The following GTF2H2C variants were observed in gnomAD, a reference collection of about 807,000 sequenced individuals.
GTF2H2C encodes general transcription factor IIH subunit 2-like protein.
In GTF2H2C, 5 loss-of-function variants were observed where a neutral mutation model predicts 24.8. That is an observed-to-expected ratio of 0.20 (90% CI 0.11 to 0.42). The LOEUF (loss-of-function observed/expected upper bound fraction) is 0.42. Among genes scored for constraint, GTF2H2C ranks in the 20% least tolerant of loss-of-function variants. The pLI is 1.00. For missense variants in GTF2H2C, 45 were observed against 169.8 expected, an observed-to-expected ratio of 0.27 and a Z score of 4.08; for synonymous variants, 14 against 52.6, an observed-to-expected ratio of 0.27 and a Z score of 3.18.
At chr5:69,589,958 C>T (rs1309441076) in intron 15 of GTF2H2C, among the ~76,000 whole-genome samples, 1 of 107,464 alleles carries the variant, frequency 9.3e-6, no homozygotes, top group African/African-American at 3.6e-5. Context: ...CATCTCGGCT[C>T]ACTGCAACCT....
At chr5:69,568,384 C>CATATACTCTAAATTGAGAATATTCAATA (rs1770877995) in intron 8 of GTF2H2C, 177 bp downstream of exon 8, 1 of 511,182 alleles carries the variant, frequency 2.0e-6, no homozygotes, top group African/African-American at 2.2e-5. Flanking sequence ...ACAAGGTTAA[C>CATATACTCTAAATTGAGAATATTCAATA]TATTCTAAAT....
intron 1 of GTF2H2C, among the ~76,000 whole-genome samples, chr5:69,560,818 C>G (rs1458455280): frequency 2.6e-5 from 4 of 151,968 alleles, no homozygotes; most frequent in Non-Finnish European, 5.9e-5. Context: ...AGTGCAGCGG[C>G]GCGATCTCGG....
At chr5:69,564,812 A>T (rs1294961108) in intron 2 of GTF2H2C, among the ~76,000 whole-genome samples, 6 of 151,638 alleles carry the variant, frequency 4.0e-5, no homozygotes, top group Admixed American at 1.3e-4. Context: ...ACAAGTCTAC[A>T]GTTTGTCATG....
Position 69,579,837 on chromosome 5 carries a change from A to G in GTF2H2C, c.730A>G (p.Ser244Gly). 5.6e-6 allele frequency: 9 copies of G among 1,607,648 alleles called. 1 individual carries two copies. The South Asian group carries it at 6.6e-5, about 12-fold the overall frequency. Residue 244 changes from serine to glycine, a missense_variant, in exon 12 of 17, where the codon AGT (serine) becomes GGT (glycine). Ser to Gly is a moderately conservative substitution (Grantham distance 56). Transcript: ENST00000380729. ...TCTTAGTCCTCCTCCTGCTAGCTCA[A>G]GTTCTGAATGCTCACTTATTCGTAT... Reference protein sequence around the residue: ...HHLSPPPASSSSECSLIRMGF... With the variant: ...HHLSPPPASSGSECSLIRMGF...
chr5:69,565,322 A>G, intron 3 of GTF2H2C, 134 bp downstream of exon 3: 1 of 327,770 alleles, frequency 3.1e-6, no homozygotes, highest in Non-Finnish European at 5.2e-6. Flanking sequence ...TGTTTTATTA[A>G]TAATTTACTG....
rs1772104408 is a variant in GTF2H2C at position 69,594,349 on chromosome 5, G to T, written c.*2151G>T. Reference sequence around the variant, plus strand: ...CCGAAATTTGTGATTTTATAACTAAGAATTTTTAGTTAAGAACATTATCAG... The same window carrying T: ...CCGAAATTTGTGATTTTATAACTAATAATTTTTAGTTAAGAACATTATCAG... On this transcript the variant is annotated 3_prime_UTR_variant, in exon 17 of 17. Coordinates refer to ENST00000380729, the MANE Select transcript of GTF2H2C (RefSeq NM_001376000.2). 7.7e-6 allele frequency: 1 copy of T among 130,274 alleles called. No homozygotes were observed. The highest frequency in any genetic ancestry group is 2.7e-4 in the South Asian group (1 of 3,698). 8.1% of individuals were successfully genotyped at this position (130,274 alleles called of 1,614,324 possible).
At position 69,568,133 on chromosome 5, in the gene GTF2H2C, A is replaced by T. The variant is rs1307700998; in HGVS notation, c.310-20A>T. The T allele has an allele frequency of 1.5e-5, 6 of 398,590 alleles. No homozygotes were observed. Among genetic ancestry groups the T allele is most frequent in the Non-Finnish European group, 2.5e-5 (6 of 235,574 alleles). 24.7% of individuals were successfully genotyped at this position (398,590 alleles called of 1,614,324 possible). On this transcript the variant is annotated intron_variant, in intron 7 of 16. Transcript: ENST00000380729. ...GAAATAACTTGTTATATTAATAATA[A>T]TTTTTGTTTTTATTTCAAGATTGGA...
At chr5:69,568,491 CT>C (rs1156422359) in intron 8 of GTF2H2C, 12,227 of 99,904 alleles carry the variant, frequency 0.12, 133 homozygotes, top group African/African-American at 0.33. Flanking sequence ...TTTTTCTTTC[CT>C]TTTTTTTTTT....
intron 16 of GTF2H2C, among the ~76,000 whole-genome samples, chr5:69,591,457 TC>T (rs1447971543): frequency 1.0e-4 from 15 of 146,280 alleles, no homozygotes; most frequent in Non-Finnish European, 2.0e-4. Flanking sequence ...ATTTATTCAT[TC>T]TTTTTTTTTT....
chr5:69,589,833 C>A (rs1405241485), intron 15 of GTF2H2C, among the ~76,000 whole-genome samples: 2 of 124,080 alleles, frequency 1.6e-5, no homozygotes, highest in Non-Finnish European at 3.3e-5. Flanking sequence ...TGTCAGATGA[C>A]CTTGTATATA....
chr5:69,561,999 C>A (rs1414458538), intron 1 of GTF2H2C, among the ~76,000 whole-genome samples: 1 of 150,706 alleles, frequency 6.6e-6, no homozygotes, highest in Admixed American at 6.7e-5. Flanking sequence ...GTTCACAATA[C>A]GTAACAGAAA....
Position 69,568,230 on chromosome 5 carries a change from A to G in GTF2H2C, c.364+23A>G, listed in dbSNP as rs376281599. 4.2e-4 allele frequency: 143 copies of G among 343,766 alleles called. 1 individual carries two copies. The East Asian group carries it at 6.3e-3, about 15-fold the overall frequency. 21.3% of individuals were successfully genotyped at this position (343,766 alleles called of 1,614,324 possible). ...CAGGTATGCATAAAATTACCTTTAC[A>G]TGACTCAAGGACTTTGCTTTATTTA... On this transcript the variant is annotated intron_variant, in intron 8 of 16. Coordinates refer to ENST00000380729, the MANE Select transcript of GTF2H2C (RefSeq NM_001376000.2).
chr5:69,566,191 C>T lies in GTF2H2C; in HGVS notation c.117C>T (p.Phe39=), dbSNP rs1340364120. The T allele has an allele frequency of 6.2e-7, 1 of 1,608,924 alleles. No homozygotes were observed. The highest frequency in any genetic ancestry group is 8.5e-7 in the Non-Finnish European group (1 of 1,178,492). ...AAGCTACAATAGAAGACATTCTATT[C>T]AAGGCAAAGAGAAAAAGGTATGTAA... ...SLKATIEDIL[F]KAKRKRVFEH... Residue 39 remains phenylalanine, a synonymous_variant, in exon 4 of 17, where the codon TTC becomes TTT. Coordinates refer to ENST00000380729, the MANE Select transcript of GTF2H2C (RefSeq NM_001376000.2).
chr5:69,565,177 T>C lies in GTF2H2C; in HGVS notation c.45T>C (p.Tyr15=). ...GAACTAAGCGATGGGAAGGAGGCTA[T>C]GAAAGAACATGGTAAGGAGAGCTTT... ...PERTKRWEGG[Y]ERTWEILKED... The change falls in exon 3 of 17, where the codon TAT becomes TAC. Residue 15 remains tyrosine, a synonymous_variant. Transcript: ENST00000380729. 1.3e-6 allele frequency: 1 copy of C among 743,148 alleles called. No individual in the cohort carries two copies. The highest frequency in any genetic ancestry group is 2.1e-6 in the Non-Finnish European group (1 of 468,462). The allele number at this position is 743,148 out of a possible 1,614,324, so 46.0% of individuals were successfully genotyped here.
chr5:69,561,087 T>C (rs2312818), intron 1 of GTF2H2C, among the ~76,000 whole-genome samples: 9 of 152,144 alleles, frequency 5.9e-5, no homozygotes, highest in South Asian at 2.1e-4. Context: ...AATGGACTGT[T>C]GGGAAGTGAC....
chr5:69,587,525 A>G (rs1580654508), intron 15 of GTF2H2C, among the ~76,000 whole-genome samples: 2 of 47,324 alleles, frequency 4.2e-5, no homozygotes, highest in South Asian at 9.8e-4. Context: ...CCAGCTACTC[A>G]GGAGGCTGAG....
At chr5:69,589,875 C>CTTT (rs1160077149) in intron 15 of GTF2H2C, among the ~76,000 whole-genome samples, 4,372 of 60,376 alleles carry the variant, frequency 0.072, 246 homozygotes, top group African/African-American at 0.16. Context: ...TATTGCTATT[C>CTTT]TTTTTTTTTT....
chr5:69,560,679 G>A (rs1239839799), intron 1 of GTF2H2C: 2 of 151,046 alleles, frequency 1.3e-5, no homozygotes, highest in Non-Finnish European at 3.0e-5. Context: ...CCGAGCTCAT[G>A]TAACGGGAAT....
rs1000064786 is a variant in GTF2H2C at position 69,568,163 on chromosome 5, T to C, written c.320T>C (p.Ile107Thr). 4.4e-6 allele frequency: 2 copies of C among 456,088 alleles called. No individual in the cohort carries two copies. Among genetic ancestry groups the C allele is most frequent in the African/African-American group, 3.2e-5 (1 of 30,978 alleles). The allele number at this position is 456,088 out of a possible 1,614,324, so 28.3% of individuals were successfully genotyped here. Residue 107 changes from isoleucine to threonine, a missense_variant, in exon 8 of 17, where the codon ATT (isoleucine) becomes ACT (threonine). By Grantham distance (89) the Ile-to-Thr change is moderately conservative (BLOSUM62 -1). Coordinates refer to ENST00000380729, the MANE Select transcript of GTF2H2C (RefSeq NM_001376000.2). Reference protein sequence around the residue: ...DQNPISQIGIIVTKSKRAEKL... With the variant: ...DQNPISQIGITVTKSKRAEKL... The stretch of plus-strand genomic sequence containing the variant: ...TGTTTTTATTTCAAGATTGGAATAA[T>C]TGTAACTAAGAGTAAAAGAGCTGAA...
Sources: gnomAD v4.1 joint callset for allele counts (sites outside exome capture counted in the v4.1 genomes callset) on GRCh38, gnomAD v4.1.1 for gene constraint, MANE v1.5 for transcripts, NCBI Gene and HGNC (gene_info 2026-07-23, HGNC 2026-07-21) for gene names.